Variants in CPEB1 observed in about 807,000 individuals in gnomAD.
The protein encoded by CPEB1 is cytoplasmic polyadenylation element binding protein 1.
In CPEB1, 7 loss-of-function variants were observed where a neutral mutation model predicts 65.8. The observed-to-expected ratio is 0.11, with a 90% CI of 0.06 to 0.20. The LOEUF (loss-of-function observed/expected upper bound fraction) is 0.20, where lower values mean the gene tolerates loss of function less well. Ranked by LOEUF, CPEB1 falls within the 10% of genes least tolerant of loss-of-function variation. CPEB1 has a pLI of 1.00. For missense variants in CPEB1, 551 were observed against 712.2 expected (o/e 0.77, Z 2.58); for synonymous variants, 262 against 260.0 (o/e 1.01, Z -0.08).
chr15:82,629,461 T>TA, intron 1 of CPEB1: 1 of 980,426 alleles, frequency 1.0e-6, no homozygotes, highest in Non-Finnish European at 1.2e-6. Flanking sequence ...TATATATATA[T>TA]AAAAAATCAT....
chr15:82,614,355 A>G (rs546361849), intron 3 of CPEB1, among the ~76,000 whole-genome samples: 32 of 152,338 alleles, frequency 2.1e-4, no homozygotes, highest in Non-Finnish European at 2.9e-4. Context: ...TGTCTGCTGT[A>G]TAACTGATTA....
At chr15:82,571,277 G>A in intron 4 of CPEB1, 67 bp downstream of exon 4, 1 of 1,550,832 alleles carries the variant, frequency 6.4e-7, no homozygotes, top group Non-Finnish European at 8.7e-7. Context: ...AACTGTTGCT[G>A]TGGATATCTT....
chr15:82,560,602 AGGCT>A (rs1330773797), intron 4 of CPEB1, among the ~76,000 whole-genome samples: 1 of 152,138 alleles, frequency 6.6e-6, no homozygotes, highest in Non-Finnish European at 1.5e-5. Context: ...TATGTTGCCC[AGGCT>A]GGTCTCGAAC....
intron 9 of CPEB1, among the ~76,000 whole-genome samples, 164 bp downstream of exon 9, chr15:82,552,316 T>C (rs1029798678): frequency 6.7e-6 from 1 of 148,528 alleles, no homozygotes; most frequent in Admixed American, 6.7e-5. Context: ...TTTTTTTTAA[T>C]GTAATTGAGA....
chr15:82,570,066 T>A (rs1310893983), intron 4 of CPEB1, among the ~76,000 whole-genome samples: 2 of 152,122 alleles, frequency 1.3e-5, no homozygotes, highest in East Asian at 3.9e-4. Context: ...AGAAACCCTA[T>A]CTTAACCCAG....
chr15:82,632,818 C>T (rs1402954467), intron 1 of CPEB1, among the ~76,000 whole-genome samples: 3 of 152,022 alleles, frequency 2.0e-5, no homozygotes, highest in Non-Finnish European at 4.4e-5. Context: ...CATGAGCTAC[C>T]ACATCTAGCC....
At chr15:82,610,490 T>C (rs375996365) in intron 3 of CPEB1, among the ~76,000 whole-genome samples, 2 of 152,160 alleles carry the variant, frequency 1.3e-5, no homozygotes, top group East Asian at 3.9e-4. Context: ...AAATGGGGTT[T>C]ATCCTAAGAA....
intron 1 of CPEB1, among the ~76,000 whole-genome samples, chr15:82,646,564 G>T (rs2047551384): frequency 6.6e-6 from 1 of 152,150 alleles, no homozygotes. Flanking sequence ...TGAGAGCACG[G>T]TGCAAGGGGC....
intron 3 of CPEB1, among the ~76,000 whole-genome samples, chr15:82,581,675 T>G (rs555176862): frequency 6.6e-6 from 1 of 152,222 alleles, no homozygotes; most frequent in African/African-American, 2.4e-5. Flanking sequence ...TACATTTTTT[T>G]TAAAAATTAG....
chr15:82,552,258 G>C (rs117811788), intron 9 of CPEB1, among the ~76,000 whole-genome samples: 2 of 151,400 alleles, frequency 1.3e-5, no homozygotes, highest in African/African-American at 4.9e-5. Flanking sequence ...GCAGGCATGC[G>C]CATGTGTGCA....
chr15:82,594,079 A>G (rs528702856), intron 3 of CPEB1, among the ~76,000 whole-genome samples: 1 of 152,334 alleles, frequency 6.6e-6, no homozygotes, highest in African/African-American at 2.4e-5. Context: ...TAAAGTTACC[A>G]GTTTCATTAG....
intron 3 of CPEB1, among the ~76,000 whole-genome samples, chr15:82,578,600 T>C (rs2040910688): frequency 6.6e-6 from 1 of 151,812 alleles, no homozygotes; most frequent in Non-Finnish European, 1.5e-5. Context: ...AACTAAAAAA[T>C]ACAAAAATTA....
rs369153974 is a variant in CPEB1 at position 82,592,724 on chromosome 15, G to A, written c.272-21192C>T. On this transcript the variant is annotated intron_variant, in intron 3 of 12. Coordinates refer to ENST00000684509, the MANE Select transcript of CPEB1 (RefSeq NM_001365242.1). ...AATTGGGCCGGGCGCGGTGGTTCAC[G>A]CCTGTAATCCGAGCACTTTGGAAGG... 2.1e-3 allele frequency among the ~76,000 whole-genome samples: 319 copies of A among 152,240 alleles called. 1 individual carries two copies. Among genetic ancestry groups the A allele is most frequent in the African/African-American group, 7.4e-3 (309 of 41,538 alleles).
intron 11 of CPEB1, 97 bp from the exon 12 acceptor site, chr15:82,546,618 T>C (rs1317109457): frequency 3.0e-5 from 26 of 863,712 alleles, no homozygotes; most frequent in Non-Finnish European, 4.7e-5. Flanking sequence ...CACACAGGAA[T>C]GCGGGATATT....
upstream of CPEB1, chr15:82,647,582 C>A (rs1383097895): frequency 3.1e-6 from 1 of 318,286 alleles, no homozygotes; most frequent in African/African-American, 2.2e-5. Flanking sequence ...CTGGAGGCCG[C>A]AGTGCGGCTC....
chr15:82,612,240 T>C (rs1366243130), intron 3 of CPEB1, among the ~76,000 whole-genome samples: 2 of 152,142 alleles, frequency 1.3e-5, no homozygotes, highest in Non-Finnish European at 2.9e-5. Flanking sequence ...CTCATGCCTA[T>C]AATCCCAGCA....
At chr15:82,606,533 G>T (rs2043618206) in intron 3 of CPEB1, among the ~76,000 whole-genome samples, 1 of 112,944 alleles carries the variant, frequency 8.9e-6, no homozygotes, top group Non-Finnish European at 1.8e-5. Context: ...AAAATACATA[G>T]TAAGGCCGGG....
chr15:82,581,669 T>C (rs2041295121), intron 3 of CPEB1, among the ~76,000 whole-genome samples: 1 of 152,176 alleles, frequency 6.6e-6, no homozygotes, highest in Non-Finnish European at 1.5e-5. Flanking sequence ...GCGGTGTACA[T>C]TTTTTTTAAA....
intron 3 of CPEB1, among the ~76,000 whole-genome samples, chr15:82,610,335 G>A (rs1022446036): frequency 1.3e-5 from 2 of 152,036 alleles, no homozygotes; most frequent in African/African-American, 4.8e-5. Context: ...AGCAGACGAG[G>A]AGGGAACACT....
Sources: allele counts gnomAD v4.1 joint callset (sites outside exome capture counted in the v4.1 genomes callset), GRCh38; gene constraint gnomAD v4.1.1; transcripts MANE v1.5; gene names NCBI Gene and HGNC (gene_info 2026-07-23, HGNC 2026-07-21).